Variants in OR2M4 observed in about 807,000 individuals in gnomAD.
The protein encoded by OR2M4 is olfactory receptor 2M4.
Under a neutral mutation model 13.7 loss-of-function variants are expected in OR2M4, and 8 were observed. That is an observed-to-expected ratio of 0.58 (90% CI 0.34 to 1.05). The LOEUF is 1.05. OR2M4 is among the 50% of genes least tolerant of loss of function. The pLI is 0.02. For synonymous variants in OR2M4, 152 were observed against 141.3 expected, an observed-to-expected ratio of 1.08 and a Z score of -0.53; for missense variants, 374 against 381.6, an observed-to-expected ratio of 0.98 and a Z score of 0.17.
chr1:248,237,580 G>A (rs998084826), intron 1 of OR2M4, among the ~76,000 whole-genome samples: 2 of 152,078 alleles, frequency 1.3e-5, no homozygotes, highest in Non-Finnish European at 2.9e-5. Flanking sequence ...TTGAAACCAG[G>A]AGGCAGAGTT....
At chr1:248,235,482 AC>A (rs1666548605) in intron 1 of OR2M4, among the ~76,000 whole-genome samples, 1 of 152,178 alleles carries the variant, frequency 6.6e-6, no homozygotes, top group African/African-American at 2.4e-5. Flanking sequence ...TGACTTGGCT[AC>A]ATGGGCTTCT....
intron 1 of OR2M4, among the ~76,000 whole-genome samples, chr1:248,237,791 C>T (rs141827197): frequency 5.6e-4 from 85 of 152,244 alleles, no homozygotes; most frequent in African/African-American, 1.9e-3. Context: ...GGAAGCATTC[C>T]CTCTGAAAAC....
chr1:248,234,998 CTTTAG>C (rs1423796510), intron 1 of OR2M4, among the ~76,000 whole-genome samples: 2 of 152,040 alleles, frequency 1.3e-5, no homozygotes, highest in Non-Finnish European at 2.9e-5. Context: ...TGCAGAAGCC[CTTTAG>C]TTTAATTAGA....
rs1234490066 is a variant in OR2M4, at chr1:248,241,397, G to C, written c.*1533G>C. The C allele has an allele frequency of 6.6e-6, 1 of 152,098 alleles. No individual in the cohort carries two copies. The highest frequency in any genetic ancestry group is 1.5e-5 in the Non-Finnish European group (1 of 68,028). 9.4% of individuals were successfully genotyped at this position (152,098 alleles called of 1,614,324 possible). A position where few individuals can be genotyped will look rare whatever the true frequency, so the allele number is the denominator to read the frequency against. On this transcript the variant is annotated 3_prime_UTR_variant, in exon 2 of 2. Transcript: ENST00000641868. ...TGGGCAAGAAGGGACTAACACTGTT[G>C]CTTAATATTTTGCTTCGTAAGCACC...
rs1666601815 is a variant in OR2M4 at position 248,239,982 on chromosome 1, T to G, written c.*118T>G. The stretch of plus-strand genomic sequence containing the variant: ...TTTGTATTAATATTTTCCACTTCTT[T>G]TCAAAATTATCTATTCAGTATATTA... On this transcript the variant is annotated 3_prime_UTR_variant, in exon 2 of 2. Coordinates refer to ENST00000641868, the MANE Select transcript of OR2M4 (RefSeq NM_017504.2). 1 of 665,138 alleles carries G rather than the reference T, an allele frequency of 1.5e-6. No individual in the cohort carries two copies. Among genetic ancestry groups the G allele is most frequent in the African/African-American group, 1.8e-5 (1 of 54,952 alleles). The allele number at this position is 665,138 out of a possible 1,614,324, so 41.2% of individuals were successfully genotyped here.
rs181565188 is a variant in OR2M4 at position 248,236,409 on chromosome 1, G to A, written c.-19-2501G>A. On this transcript the variant is annotated intron_variant, in intron 1 of 1. Coordinates refer to ENST00000641868, the MANE Select transcript of OR2M4 (RefSeq NM_017504.2). ...TCAAAATCTCTGGGATGCAGCTAAA[G>A]CAGTGTTAAGAGGGAAACTTAGAGC... is the stretch of plus-strand genomic sequence containing the variant. Among the ~76,000 whole-genome samples, 287 of 152,268 alleles carry A rather than the reference G, an allele frequency of 1.9e-3. 4 individuals are homozygous for A. Among genetic ancestry groups the A allele is most frequent in the Non-Finnish European group, 2.9e-3 (199 of 68,008 alleles).
intron 1 of OR2M4, among the ~76,000 whole-genome samples, chr1:248,234,387 C>T (rs1031096641): frequency 1.3e-5 from 2 of 151,916 alleles, no homozygotes; most frequent in Non-Finnish European, 2.9e-5. Flanking sequence ...CTGCACCTAT[C>T]AACCCGTCAC....
At chr1:248,235,310 G>C (rs545565415) in intron 1 of OR2M4, among the ~76,000 whole-genome samples, 22 of 152,254 alleles carry the variant, frequency 1.4e-4, no homozygotes, top group African/African-American at 5.3e-4. Flanking sequence ...AGATCAGATG[G>C]TTGTAGATGT....
At chr1:248,234,387 CA>C (rs2103021742) in intron 1 of OR2M4, among the ~76,000 whole-genome samples, 1 of 152,034 alleles carries the variant, frequency 6.6e-6, no homozygotes, top group Non-Finnish European at 1.5e-5. Flanking sequence ...CTGCACCTAT[CA>C]ACCCGTCACC....
rs1282049357 is a variant in OR2M4, at chr1:248,240,490, C to G, written c.*626C>G. 1 of 152,122 alleles carries G rather than the reference C, an allele frequency of 6.6e-6. No individual in the cohort carries two copies. The highest frequency in any genetic ancestry group is 6.5e-5 in the Admixed American group (1 of 15,270). 9.4% of individuals were successfully genotyped at this position (152,122 alleles called of 1,614,324 possible). A position where few individuals can be genotyped will look rare whatever the true frequency, so the allele number is the denominator to read the frequency against. The stretch of plus-strand genomic sequence containing the variant: ...ATTTTAAGGAGTCCACATAAAATAT[C>G]TATTTGGGCTGCACAGTCAACATCT... On this transcript the variant is annotated 3_prime_UTR_variant, in exon 2 of 2. Transcript: ENST00000641868.
In OR2M4 at chr1:248,239,556, C is replaced by A; in HGVS notation, c.628C>A (p.Pro210Thr). ...TTGTTGTGTGGTAATGCTAATCTTTCCAGTTTCAGTTATCATACTTTCCTA... is the reference window on the plus strand; with the variant it reads ...TTGTTGTGTGGTAATGCTAATCTTTACAGTTTCAGTTATCATACTTTCCTA... ...VICCVVMLIF[P>T]VSVIILSYSH... is the part of the protein sequence containing the mutation. Residue 210 changes from proline (P) to threonine (T), a missense_variant, in exon 2 of 2, where the codon CCA becomes ACA. Transcript: ENST00000641868. The A allele has an allele frequency of 1.2e-6, 2 of 1,614,128 alleles. No homozygotes were observed. Among genetic ancestry groups the A allele is most frequent in the Non-Finnish European group, 1.7e-6 (2 of 1,180,020 alleles).
intron 1 of OR2M4, among the ~76,000 whole-genome samples, chr1:248,238,004 G>A (rs948944424): frequency 1.3e-5 from 2 of 152,092 alleles, no homozygotes; most frequent in Non-Finnish European, 2.9e-5. Flanking sequence ...AAAATACAAA[G>A]GTTTTTGAAT....
Position 248,239,260 on chromosome 1 carries a change from A to C in OR2M4, c.332A>C (p.Glu111Ala). The change falls in exon 2 of 2, where the codon GAA becomes GCA. Residue 111 changes from glutamate (E) to alanine (A), a missense_variant. Transcript: ENST00000641868. ...TTCTATGTGTCCCTGCTTGGAGCTG[A>C]ATGTTTCTTGTTGGCTGTCATGGCT... ...IFFYVSLLGA[E>A]CFLLAVMAYD... 6.2e-7 allele frequency: 1 copy of C among 1,613,842 alleles called. No homozygotes were observed. Among genetic ancestry groups the C allele is most frequent in the Non-Finnish European group, 8.5e-7 (1 of 1,179,968 alleles).
At position 248,243,152 on chromosome 1, in the gene OR2M4, G is replaced by T. The variant is rs1666633321; in HGVS notation, c.*3288G>T. On this transcript the variant is annotated 3_prime_UTR_variant, in exon 2 of 2. Coordinates refer to ENST00000641868, the MANE Select transcript of OR2M4 (RefSeq NM_017504.2). ...AGTGTCTGAATTATGAGCTGAAAAT[G>T]TAAAATAAACGCTTGATTTTAAAAA... 1 of 152,128 alleles carries T rather than the reference G, an allele frequency of 6.6e-6. No individual in the cohort carries two copies. The highest frequency in any genetic ancestry group is 1.5e-5 in the Non-Finnish European group (1 of 68,020). 9.4% of individuals were successfully genotyped at this position (152,128 alleles called of 1,614,324 possible).
In OR2M4 at chr1:248,242,361, G is replaced by A. The variant is rs759187571; in HGVS notation, c.*2497G>A. 4 of 152,170 alleles carry A rather than the reference G, an allele frequency of 2.6e-5. No individual in the cohort carries two copies. Among genetic ancestry groups the A allele is most frequent in the Non-Finnish European group, 5.9e-5 (4 of 68,078 alleles). The allele number at this position is 152,170 out of a possible 1,614,324, so 9.4% of individuals were successfully genotyped here. A position where few individuals can be genotyped will look rare whatever the true frequency, so the allele number is the denominator to read the frequency against. Reference sequence around the variant, plus strand: ...TGCAGCCTCCACCTCCTGGGTCCAAGTGATTCTCCTGCCTCAGCCTCCCGA... The same window carrying A: ...TGCAGCCTCCACCTCCTGGGTCCAAATGATTCTCCTGCCTCAGCCTCCCGA... On this transcript the variant is annotated 3_prime_UTR_variant, in exon 2 of 2. Coordinates refer to ENST00000641868, the MANE Select transcript of OR2M4 (RefSeq NM_017504.2).
intron 1 of OR2M4, among the ~76,000 whole-genome samples, chr1:248,234,782 T>A (rs1666541769): frequency 6.6e-6 from 1 of 151,978 alleles, no homozygotes; most frequent in Admixed American, 6.5e-5. Flanking sequence ...TTTTTTTTTT[T>A]AATAGGTATG....
intron 1 of OR2M4, among the ~76,000 whole-genome samples, chr1:248,238,543 T>C (rs904601127): frequency 1.3e-5 from 2 of 152,192 alleles, no homozygotes; most frequent in Non-Finnish European, 2.9e-5. Flanking sequence ...GAAAAAATTC[T>C]GTAAGGAATT....
chr1:248,239,557 C>T lies in OR2M4; in HGVS notation c.629C>T (p.Pro210Leu), dbSNP rs770216656. Residue 210 changes from proline (P) to leucine (L), a missense_variant, in exon 2 of 2, where the codon CCA (proline) becomes CTA (leucine). Physicochemically the swap from Pro to Leu is moderately conservative, Grantham distance 98. Transcript: ENST00000641868. ...TGTTGTGTGGTAATGCTAATCTTTC[C>T]AGTTTCAGTTATCATACTTTCCTAT... ...VICCVVMLIF[P>L]VSVIILSYSH... The T allele has an allele frequency of 1.6e-5, 26 of 1,613,954 alleles. No homozygotes were observed. Among genetic ancestry groups the T allele is most frequent in the Non-Finnish European group, 2.2e-5 (26 of 1,180,022 alleles).
rs112075866 is a variant in OR2M4, at chr1:248,239,123, A to G, written c.195A>G (p.Gln65=). ...LHTPMYFLLS[Q]LSLMDLMLIC... ...CCCCCATGTACTTCCTCCTCAGTCA[A>G]CTGTCCCTTATGGACCTCATGCTCA... Residue 65 remains glutamine, a synonymous_variant, in exon 2 of 2, where the codon CAA becomes CAG. Transcript: ENST00000641868. The G allele has an allele frequency of 5.1e-5, 83 of 1,613,950 alleles. No individual in the cohort carries two copies. In the African/African-American group the frequency reaches 9.3e-4, roughly 18 times the overall value.
Sources: allele counts gnomAD v4.1 joint callset (sites outside exome capture counted in the v4.1 genomes callset), GRCh38; gene constraint gnomAD v4.1.1; transcripts MANE v1.5; gene names NCBI Gene and HGNC (gene_info 2026-07-23, HGNC 2026-07-21).